ZNF474: variants seen among roughly 807,000 people sequenced by gnomAD.
The protein encoded by ZNF474 is 4933409D10Rik.
For synonymous variants in ZNF474, 192 were observed against 162.2 expected (o/e 1.18, Z -1.39); for missense variants, 511 against 433.8 (o/e 1.18, Z -1.58).
intron 1 of ZNF474, among the ~76,000 whole-genome samples, chr5:122,134,856 A>T (rs1755662088): frequency 6.6e-6 from 1 of 152,222 alleles, no homozygotes; most frequent in Admixed American, 6.5e-5. Flanking sequence ...CAAATCAAAA[A>T]GGACTAAATC....
At chr5:122,140,429 G>A (rs1257324770) in intron 1 of ZNF474, among the ~76,000 whole-genome samples, 2 of 152,084 alleles carry the variant, frequency 1.3e-5, no homozygotes, top group African/African-American at 4.8e-5. Context: ...AGGGATCTCT[G>A]TATTATTTCT....
At position 122,152,835 on chromosome 5, in the gene ZNF474, C is replaced by G. The variant is rs368395699; in HGVS notation, c.845C>G (p.Ala282Gly). The G allele has an allele frequency of 2.5e-6, 4 of 1,614,192 alleles. No homozygotes were observed. Among genetic ancestry groups the G allele is most frequent in the South Asian group, 1.1e-5 (1 of 91,082 alleles). Residue 282 changes from alanine to glycine, a missense_variant, in exon 2 of 2, where the codon GCT becomes GGT. Ala to Gly is a moderately conservative substitution (Grantham distance 60). Coordinates refer to ENST00000296600, the MANE Select transcript of ZNF474 (RefSeq NM_207317.3). ...TCCAGCCAAGCGGGACCAAATCAAG[C>G]TCAGCTTGTGTTCTGCCCACATTGT... Reference protein sequence around the residue: ...AQSSQAGPNQAQLVFCPHCSR... With the variant: ...AQSSQAGPNQGQLVFCPHCSR...
intron 1 of ZNF474, among the ~76,000 whole-genome samples, chr5:122,130,238 A>G (rs2152602286): frequency 6.6e-6 from 1 of 152,252 alleles, no homozygotes; most frequent in East Asian, 1.9e-4. Flanking sequence ...TCAAGTTTCT[A>G]AAATCAATGA....
intron 1 of ZNF474, among the ~76,000 whole-genome samples, chr5:122,139,712 T>A (rs974565709): frequency 6.6e-6 from 1 of 151,762 alleles, no homozygotes; most frequent in African/African-American, 2.4e-5. Context: ...GAAGAAAGAG[T>A]AGTGACTGAA....
rs1426406073 is a variant in ZNF474, at chr5:122,152,110, C to G, written c.120C>G (p.Ser40Arg). 1 of 1,614,178 alleles carries G rather than the reference C, an allele frequency of 6.2e-7. No homozygotes were observed. Among genetic ancestry groups the G allele is most frequent in the Admixed American group, 1.7e-5 (1 of 60,032 alleles). ...AGLLSSDSYS[S>R]LSPETESVNP... Reference sequence around the variant, plus strand: ...TTCTCTCTAGTGACTCCTATTCTAGCCTTTCCCCAGAAACAGAGAGTGTTA... The same window carrying G: ...TTCTCTCTAGTGACTCCTATTCTAGGCTTTCCCCAGAAACAGAGAGTGTTA... Residue 40 changes from serine (S) to arginine (R), a missense_variant, in exon 2 of 2, where the codon AGC becomes AGG. Coordinates refer to ENST00000296600, the MANE Select transcript of ZNF474 (RefSeq NM_207317.3).
intron 1 of ZNF474, among the ~76,000 whole-genome samples, chr5:122,143,571 C>T (rs1351224359): frequency 6.6e-6 from 1 of 152,134 alleles, no homozygotes; most frequent in East Asian, 1.9e-4. Context: ...GAAGGGGCTA[C>T]TATACTGTTC....
rs770537503 is a variant in ZNF474 at position 122,152,798 on chromosome 5, C to T, written c.808C>T (p.Pro270Ser). 2 of 1,614,184 alleles carry T rather than the reference C, an allele frequency of 1.2e-6. No homozygotes were observed. Among genetic ancestry groups the T allele is most frequent in the Non-Finnish European group, 1.7e-6 (2 of 1,180,032 alleles). ...QPLPQKPQPL[P>S]NAQSSQAGPN... ...ACTCCCACAGAAGCCTCAGCCCCTTCCGAATGCACAGTCCAGCCAAGCGGG... is the reference window on the plus strand; with the variant it reads ...ACTCCCACAGAAGCCTCAGCCCCTTTCGAATGCACAGTCCAGCCAAGCGGG... The change falls in exon 2 of 2, where the codon CCG becomes TCG. Residue 270 changes from proline (P) to serine (S), a missense_variant. Coordinates refer to ENST00000296600, the MANE Select transcript of ZNF474 (RefSeq NM_207317.3).
chr5:122,138,444 G>A (rs866068469), intron 1 of ZNF474, among the ~76,000 whole-genome samples: 3 of 152,178 alleles, frequency 2.0e-5, no homozygotes, highest in South Asian at 2.1e-4. Flanking sequence ...CTTCTCCCAA[G>A]TTCAAAGATA....
At position 122,134,248 on chromosome 5, in the gene ZNF474, A is replaced by C. The variant is rs369050868; in HGVS notation, c.-213+4565A>C. On this transcript the variant is annotated intron_variant, in intron 1 of 1. Coordinates refer to ENST00000296600, the MANE Select transcript of ZNF474 (RefSeq NM_207317.3). ...AAAGAAGGCAAGTTGTTAATCATTT[A>C]AAAAGAATGGCAAAGTGCAAATAGA... Among the ~76,000 whole-genome samples, 15 of 152,328 alleles carry C rather than the reference A, an allele frequency of 9.8e-5. No individual in the cohort carries two copies. In the South Asian group the frequency reaches 1.5e-3, roughly 15 times the overall value.
At chr5:122,141,095 T>TTTTTATTTTA (rs201853082) in intron 1 of ZNF474, among the ~76,000 whole-genome samples, 1,464 of 53,216 alleles carry the variant, frequency 0.028, 28 homozygotes, top group Non-Finnish European at 0.036. Flanking sequence ...ATTTTTTTAT[T>TTTTTATTTTA]TTTTATTTTA....
intron 1 of ZNF474, among the ~76,000 whole-genome samples, chr5:122,150,749 A>G (rs1258934865): frequency 6.6e-6 from 1 of 152,210 alleles, no homozygotes; most frequent in Non-Finnish European, 1.5e-5. Flanking sequence ...ATAAATGGAT[A>G]TCTAAGCTGC....
intron 1 of ZNF474, among the ~76,000 whole-genome samples, chr5:122,132,771 T>G (rs1285340841): frequency 6.6e-6 from 1 of 152,222 alleles, no homozygotes; most frequent in Non-Finnish European, 1.5e-5. Flanking sequence ...TCTTGGCATC[T>G]TCATCAAAAA....
chr5:122,150,358 G>C (rs951747766), intron 1 of ZNF474, among the ~76,000 whole-genome samples: 2 of 152,162 alleles, frequency 1.3e-5, no homozygotes, highest in African/African-American at 4.8e-5. Context: ...CTCTGTGCCA[G>C]ACCTGATTTG....
At chr5:122,136,101 T>C (rs183447758) in intron 1 of ZNF474, among the ~76,000 whole-genome samples, 1 of 152,204 alleles carries the variant, frequency 6.6e-6, no homozygotes, top group African/African-American at 2.4e-5. Context: ...TAGTTAAAAA[T>C]AAGCTACTGT....
At position 122,153,233 on chromosome 5, in the gene ZNF474, T is replaced by C. The variant is rs148818492; in HGVS notation, c.*148T>C. ...TATACCTCTCTTGGCTGAATAGATA[T>C]AAGAACATCCTTGCCTGATGGGTTC... On this transcript the variant is annotated 3_prime_UTR_variant, in exon 2 of 2. Transcript: ENST00000296600. 4.6e-5 allele frequency: 44 copies of C among 959,802 alleles called. No individual in the cohort carries two copies. In the East Asian group the frequency reaches 1.1e-3, roughly 25 times the overall value. The allele number at this position is 959,802 out of a possible 1,614,324, so 59.5% of individuals were successfully genotyped here.
chr5:122,131,582 C>T (rs960779006), intron 1 of ZNF474, among the ~76,000 whole-genome samples: 3 of 151,860 alleles, frequency 2.0e-5, no homozygotes, highest in Middle Eastern at 3.4e-3. Context: ...TATGTGATCT[C>T]ACTTATATGT....
rs559358824 is a variant in ZNF474, at chr5:122,153,335, C to A, written c.*250C>A. 71 of 454,348 alleles carry A rather than the reference C, an allele frequency of 1.6e-4. No individual in the cohort carries two copies. The highest frequency in any genetic ancestry group is 1.3e-3 in the African/African-American group (67 of 50,590). The allele number at this position is 454,348 out of a possible 1,614,324, so 28.1% of individuals were successfully genotyped here. ...TTCCCTGATCCCTGATACAAATAAT[C>A]CCTGGGAGAGACAGTAATTTGAAAA... is the stretch of plus-strand genomic sequence containing the variant. On this transcript the variant is annotated 3_prime_UTR_variant, in exon 2 of 2. Coordinates refer to ENST00000296600, the MANE Select transcript of ZNF474 (RefSeq NM_207317.3).
chr5:122,137,635 A>C (rs1257132344), intron 1 of ZNF474, among the ~76,000 whole-genome samples: 3 of 151,980 alleles, frequency 2.0e-5, no homozygotes, highest in African/African-American at 7.3e-5. Flanking sequence ...CCAAAGTAAG[A>C]GAGAGTTTGA....
chr5:122,152,683 T>C lies in ZNF474; in HGVS notation c.693T>C (p.Phe231=). 1 of 1,614,208 alleles carries C rather than the reference T, an allele frequency of 6.2e-7. No homozygotes were observed. The highest frequency in any genetic ancestry group is 8.5e-7 in the Non-Finnish European group (1 of 1,180,038). The change falls in exon 2 of 2, where the codon TTT becomes TTC. Residue 231 remains phenylalanine (F), a synonymous_variant. Transcript: ENST00000296600. Reference sequence around the variant, plus strand: ...TCTGCTACATATGTGGTAAGGAATTTGGCACCCTGTCCCTTCCTATTCATG... The same window carrying C: ...TCTGCTACATATGTGGTAAGGAATTCGGCACCCTGTCCCTTCCTATTCATG... ...TVICYICGKE[F]GTLSLPIHEP... is the part of the protein sequence containing the mutation.
Sources: gnomAD v4.1 joint callset for allele counts (sites outside exome capture counted in the v4.1 genomes callset) on GRCh38, gnomAD v4.1.1 for gene constraint, MANE v1.5 for transcripts, NCBI Gene and HGNC (gene_info 2026-07-23, HGNC 2026-07-21) for gene names.